The following NELL1 variants were observed in gnomAD, a reference collection of about 807,000 sequenced individuals.
NELL1 encodes the protein protein kinase C-binding protein NELL1.
A neutral mutation model predicts 107.4 loss-of-function variants in NELL1; 76 were observed. The observed-to-expected ratio is 0.71, with a 90% CI of 0.59 to 0.86. The LOEUF (loss-of-function observed/expected upper bound fraction) is 0.86, where lower values mean the gene tolerates loss of function less well. Among genes scored for constraint, NELL1 ranks in the 40% least tolerant of loss-of-function variants. The pLI, the probability that NELL1 is intolerant of heterozygous loss-of-function variation, is 0.00. For missense variants in NELL1, 1,024 were observed against 1,005.5 expected (o/e 1.02, Z -0.25); for synonymous variants, 353 against 341.2 (o/e 1.03, Z -0.38).
At chr11:21,570,609 G>C (rs1347218138) in intron 17 of NELL1, among the ~76,000 whole-genome samples, 155 bp from the exon 18 acceptor site, 1 of 151,692 alleles carries the variant, frequency 6.6e-6, no homozygotes, top group Non-Finnish European at 1.5e-5. Flanking sequence ...GGGAAAGAAA[G>C]GGTGTGTTTG....
chr11:21,284,949 T>G (rs150484167), intron 14 of NELL1: 437 of 208,378 alleles, frequency 2.1e-3, no homozygotes, highest in Admixed American at 4.0e-3. Context: ...TGTCAATTAA[T>G]TGTTCTGTGC....
At chr11:20,866,991 T>A (rs750888518) in intron 4 of NELL1, among the ~76,000 whole-genome samples, 2 of 152,186 alleles carry the variant, frequency 1.3e-5, no homozygotes, top group Admixed American at 6.5e-5. Context: ...GCTGGCTATG[T>A]TGGGCACAAG....
chr11:20,798,307 C>T (rs767509122), intron 3 of NELL1, among the ~76,000 whole-genome samples: 5 of 152,178 alleles, frequency 3.3e-5, no homozygotes, highest in African/African-American at 1.2e-4. Flanking sequence ...CAAGAAGTAT[C>T]ATAGCAATAG....
intron 1 of NELL1, among the ~76,000 whole-genome samples, chr11:20,676,935 C>T (rs901572619): frequency 2.0e-5 from 3 of 152,170 alleles, no homozygotes; most frequent in African/African-American, 7.2e-5. Flanking sequence ...AACATAGCCC[C>T]TTAGAGTGAT....
At chr11:20,953,659 T>A (rs540743714) in intron 11 of NELL1, among the ~76,000 whole-genome samples, 1 of 152,330 alleles carries the variant, frequency 6.6e-6, no homozygotes, top group Admixed American at 6.5e-5. Flanking sequence ...GGAGAAAGTG[T>A]GACCCCAACA....
intron 14 of NELL1, among the ~76,000 whole-genome samples, chr11:21,229,753 G>T (rs1857994231): frequency 6.6e-6 from 1 of 152,150 alleles, no homozygotes; most frequent in Admixed American, 6.5e-5. Flanking sequence ...TGCGGATATT[G>T]GCTTTTCTTT....
At chr11:21,136,883 A>G (rs1191863881) in intron 13 of NELL1, among the ~76,000 whole-genome samples, 1 of 152,206 alleles carries the variant, frequency 6.6e-6, no homozygotes, top group African/African-American at 2.4e-5. Context: ...ATGAAATTGT[A>G]TGGATTTGGA....
At chr11:21,359,937 G>A (rs1319071810) in intron 14 of NELL1, among the ~76,000 whole-genome samples, 1 of 152,012 alleles carries the variant, frequency 6.6e-6, no homozygotes, top group Non-Finnish European at 1.5e-5. Flanking sequence ...TCAAGAACCA[G>A]CATTTTATTT....
At position 21,545,684 on chromosome 11, in the gene NELL1, A is replaced by C. The variant is rs573535949; in HGVS notation, c.1786+11170A>C. 2.6e-4 allele frequency among the ~76,000 whole-genome samples: 40 copies of C among 152,032 alleles called. No individual in the cohort carries two copies. The South Asian group carries it at 8.3e-3, about 32-fold the overall frequency. ...ATGTCTTTTTTCTTTCTTCCTGAATAGCTGGCAGTCTCAACTGAGTGAAAA... is the reference window on the plus strand; with the variant it reads ...ATGTCTTTTTTCTTTCTTCCTGAATCGCTGGCAGTCTCAACTGAGTGAAAA... On this transcript the variant is annotated intron_variant, in intron 16 of 19. Transcript: ENST00000357134.
chr11:20,962,527 GA>G, intron 12 of NELL1, among the ~76,000 whole-genome samples: 1 of 152,234 alleles, frequency 6.6e-6, no homozygotes, highest in African/African-American at 2.4e-5. Context: ...CTTCTCTATT[GA>G]GACCCAGCAG....
chr11:20,968,593 T>C (rs1161621432), intron 12 of NELL1, among the ~76,000 whole-genome samples: 3 of 152,206 alleles, frequency 2.0e-5, no homozygotes, highest in Non-Finnish European at 4.4e-5. Context: ...ATGCCTTTCC[T>C]TCACTACATG....
intron 2 of NELL1, among the ~76,000 whole-genome samples, chr11:20,709,616 T>C (rs569409800): frequency 1.1e-4 from 16 of 152,324 alleles, no homozygotes; most frequent in Middle Eastern, 3.4e-3. Flanking sequence ...ATTGCATCTG[T>C]AGATTGCTTT....
chr11:21,134,896 A>G (rs1042946691), intron 13 of NELL1, among the ~76,000 whole-genome samples: 3 of 152,230 alleles, frequency 2.0e-5, no homozygotes, highest in African/African-American at 7.2e-5. Flanking sequence ...ACTTTGCTGA[A>G]GTTTAATCTC....
intron 14 of NELL1, among the ~76,000 whole-genome samples, chr11:21,318,241 T>C (rs934126741): frequency 1.3e-5 from 2 of 152,162 alleles, no homozygotes; most frequent in African/African-American, 4.8e-5. Context: ...ATAAATCAAG[T>C]CAAACCTGAC....
chr11:20,922,230 A>C lies in NELL1; in HGVS notation c.759+2896A>C, dbSNP rs969779902. 5.9e-5 allele frequency among the ~76,000 whole-genome samples: 9 copies of C among 152,162 alleles called. No homozygotes were observed. In the East Asian group the frequency reaches 1.2e-3, roughly 20 times the overall value. On this transcript the variant is annotated intron_variant, in intron 7 of 19. Transcript: ENST00000357134. ...CAGGGTGGAAGCTCAGGGGCTCTAC[A>C]TTGCATCAAAAATCTTCAGGATGTT...
intron 2 of NELL1, among the ~76,000 whole-genome samples, chr11:20,771,940 A>G (rs1258449523): frequency 1.3e-5 from 2 of 152,216 alleles, no homozygotes; most frequent in Non-Finnish European, 2.9e-5. Flanking sequence ...GTGCCTTTCA[A>G]TGCAGGCAGA....
At chr11:20,698,159 A>G (rs900336771) in intron 2 of NELL1, among the ~76,000 whole-genome samples, 1 of 152,186 alleles carries the variant, frequency 6.6e-6, no homozygotes, top group Non-Finnish European at 1.5e-5. Flanking sequence ...GTGTCTCCCA[A>G]ATAGAAGTGT....
intron 12 of NELL1, among the ~76,000 whole-genome samples, chr11:20,988,505 G>A (rs12221858): frequency 2.8e-5 from 4 of 144,886 alleles, no homozygotes; most frequent in East Asian, 2.1e-4. Context: ...ATATATGTGT[G>A]TATATATACA....
chr11:21,207,414 C>T (rs1328561788), intron 13 of NELL1, among the ~76,000 whole-genome samples: 2 of 152,034 alleles, frequency 1.3e-5, no homozygotes, highest in Admixed American at 1.3e-4. Context: ...CTCTATATTC[C>T]TAAGGCACAT....
Sources: allele counts gnomAD v4.1 joint callset (sites outside exome capture counted in the v4.1 genomes callset), GRCh38; gene constraint gnomAD v4.1.1; transcripts MANE v1.5; gene names NCBI Gene and HGNC (gene_info 2026-07-23, HGNC 2026-07-21).